The following ASAP1 variants were observed in gnomAD, a reference collection of about 807,000 sequenced individuals.
The protein encoded by ASAP1 is ArfGAP with SH3 domain, ankyrin repeat and PH domain 1.
In ASAP1, 43 loss-of-function variants were observed where a neutral mutation model predicts 145.2. The observed-to-expected ratio is 0.30, with a 90% CI of 0.23 to 0.38. The LOEUF is 0.38. Among genes scored for constraint, ASAP1 ranks in the 10% least tolerant of loss-of-function variants. The probability of loss-of-function intolerance (pLI) is 1.00; values close to 1 mark genes in which losing one functional copy is unlikely to be tolerated. For missense variants in ASAP1, 1,018 were observed against 1,355.3 expected (o/e 0.75, Z 3.91); for synonymous variants, 546 against 515.5 (o/e 1.06, Z -0.80).
At chr8:130,147,391 C>A (rs1402253914) in intron 13 of ASAP1, among the ~76,000 whole-genome samples, 1 of 151,922 alleles carries the variant, frequency 6.6e-6, no homozygotes, top group Non-Finnish European at 1.5e-5. Context: ...TGAATTAGGC[C>A]TCATTAATAG....
At chr8:130,158,131 G>A (rs2097661566) in intron 12 of ASAP1, among the ~76,000 whole-genome samples, 1 of 152,088 alleles carries the variant, frequency 6.6e-6, no homozygotes, top group Non-Finnish European at 1.5e-5. Flanking sequence ...ACAAATTACA[G>A]TAAAAAATGT....
intron 11 of ASAP1, 106 bp downstream of exon 11, chr8:130,167,430 A>G (rs1565041959): frequency 6.6e-6 from 6 of 903,002 alleles, no homozygotes; most frequent in South Asian, 3.9e-5. Flanking sequence ...ACATACTTGC[A>G]TATTATATAT....
At chr8:130,108,932 C>A (rs145756093) in intron 24 of ASAP1, among the ~76,000 whole-genome samples, 1 of 151,778 alleles carries the variant, frequency 6.6e-6, no homozygotes, top group Non-Finnish European at 1.5e-5. Context: ...GGCGCCACTA[C>A]GCCCGGCTCA....
At chr8:130,138,670 C>G (rs1313917386) in intron 13 of ASAP1, among the ~76,000 whole-genome samples, 1 of 151,946 alleles carries the variant, frequency 6.6e-6, no homozygotes, top group Non-Finnish European at 1.5e-5. Flanking sequence ...AACCCTGTCT[C>G]TACTAAAAAT....
At chr8:130,226,436 A>C (rs117699719) in intron 4 of ASAP1, among the ~76,000 whole-genome samples, 1 of 152,182 alleles carries the variant, frequency 6.6e-6, no homozygotes, top group Non-Finnish European at 1.5e-5. Context: ...CACTAACTGT[A>C]TTAGTCTATT....
intron 24 of ASAP1, among the ~76,000 whole-genome samples, chr8:130,093,686 A>AAAAAAAAAAAAAAAAAAAAAAG (rs767063471): frequency 7.6e-5 from 10 of 131,992 alleles, no homozygotes; most frequent in African/African-American, 2.9e-4. Context: ...AAAAAAAAAA[A>AAAAAAAAAAAAAAAAAAAAAAG]AAAGAAAGCT....
At chr8:130,072,824 T>TGTGTGTGTGTGCGCGCGCGCGCGC in intron 27 of ASAP1, among the ~76,000 whole-genome samples, 9 of 32,272 alleles carry the variant, frequency 2.8e-4, no homozygotes, top group Admixed American at 7.2e-4. Flanking sequence ...TGTGTGTGTG[T>TGTGTGTGTGTGCGCGCGCGCGCGC]GCGCGCGGGG....
chr8:130,189,571 T>G (rs888895796), intron 5 of ASAP1, among the ~76,000 whole-genome samples: 1 of 152,232 alleles, frequency 6.6e-6, no homozygotes. Context: ...GACACTTAGG[T>G]TGATTCCGTA....
chr8:130,096,755 A>G (rs1439963183), intron 24 of ASAP1, among the ~76,000 whole-genome samples: 1 of 152,146 alleles, frequency 6.6e-6, no homozygotes, highest in Non-Finnish European at 1.5e-5. Flanking sequence ...CCTTAAACAG[A>G]GATGGATGAC....
intron 3 of ASAP1, among the ~76,000 whole-genome samples, chr8:130,311,073 G>A (rs115999015): frequency 0.011 from 1,676 of 152,280 alleles, 29 homozygotes; most frequent in African/African-American, 0.039. Flanking sequence ...CTATGAGAAC[G>A]CAGTCCAGGG....
At chr8:130,116,812 A>C in intron 21 of ASAP1, 67 bp from the exon 22 acceptor site, 1 of 1,582,458 alleles carries the variant, frequency 6.3e-7, no homozygotes, top group South Asian at 1.1e-5. Context: ...AAGGAACAAT[A>C]ATCAAATTAC....
intron 13 of ASAP1, 22 bp from the exon 14 acceptor site, chr8:130,137,060 A>C: frequency 6.2e-7 from 1 of 1,600,518 alleles, no homozygotes. Context: ...GAGAAAATGG[A>C]GAAGTTACAT....
intron 3 of ASAP1, among the ~76,000 whole-genome samples, chr8:130,339,345 C>T (rs904141046): frequency 4.6e-5 from 7 of 152,136 alleles, no homozygotes; most frequent in African/African-American, 1.7e-4. Context: ...TGTTTAAAGA[C>T]CATGCTGTGG....
At chr8:130,198,749 A>G (rs745642460) in intron 5 of ASAP1, among the ~76,000 whole-genome samples, 6 of 152,164 alleles carry the variant, frequency 3.9e-5, no homozygotes, top group Non-Finnish European at 8.8e-5. Flanking sequence ...GTTATTAATT[A>G]AGGTTTTTAC....
intron 24 of ASAP1, among the ~76,000 whole-genome samples, chr8:130,110,319 G>A (rs2097544580): frequency 6.6e-6 from 1 of 152,196 alleles, no homozygotes; most frequent in Non-Finnish European, 1.5e-5. Context: ...GGCTGTGCCT[G>A]TCTAGATAGG....
At position 130,054,734 on chromosome 8, in the gene ASAP1, G is replaced by A; in HGVS notation, c.3387C>T (p.Asp1129=). Residue 1129 remains aspartate, a synonymous_variant, in exon 30 of 30, where the codon GAC becomes GAT. Coordinates refer to ENST00000518721, the MANE Select transcript of ASAP1 (RefSeq NM_018482.4). ...AATCTTAAGGTTCTGCGTTTTGCTAGTCAGACAGGATATGAACAAAGGACA... is the reference window on the plus strand; with the variant it reads ...AATCTTAAGGTTCTGCGTTTTGCTAATCAGACAGGATATGAACAAAGGACA... The part of the protein sequence containing the change: ...FPVSFVHILS[D] The A allele has an allele frequency of 6.2e-7, 1 of 1,613,298 alleles. No individual in the cohort carries two copies. The highest frequency in any genetic ancestry group is 2.2e-5 in the East Asian group (1 of 44,868).
chr8:130,258,466 G>A (rs542654158), intron 3 of ASAP1, among the ~76,000 whole-genome samples: 53 of 152,318 alleles, frequency 3.5e-4, no homozygotes, highest in Non-Finnish European at 5.9e-4. Context: ...TCCCACGGAT[G>A]TTTTAAAACA....
intron 11 of ASAP1, among the ~76,000 whole-genome samples, chr8:130,165,089 A>C (rs1565039006): frequency 1.3e-5 from 2 of 152,234 alleles, no homozygotes. Flanking sequence ...AAAACTCATC[A>C]TTTATTAATC....
intron 5 of ASAP1, among the ~76,000 whole-genome samples, chr8:130,211,887 G>A (rs1451551165): frequency 6.6e-6 from 1 of 152,198 alleles, no homozygotes; most frequent in East Asian, 1.9e-4. Context: ...ACTAGCCTAA[G>A]AGAACAGGAT....
Sources: gnomAD v4.1 joint callset for allele counts (sites outside exome capture counted in the v4.1 genomes callset) on GRCh38, gnomAD v4.1.1 for gene constraint, MANE v1.5 for transcripts, NCBI Gene and HGNC (gene_info 2026-07-23, HGNC 2026-07-21) for gene names.